The following BCL11A variants were observed in gnomAD, a reference collection of about 807,000 sequenced individuals.
The protein encoded by BCL11A is B cell CLL/lymphoma 11A.
BCL11A carries 2 observed loss-of-function variants against 55.9 expected under a neutral mutation model. The ratio of observed to expected loss-of-function variants is 0.04; its 90% CI spans 0.01 to 0.11. The LOEUF (loss-of-function observed/expected upper bound fraction) is 0.11, where lower values mean the gene tolerates loss of function less well. BCL11A is among the 10% of genes least tolerant of loss of function. The pLI is 1.00. For missense variants in BCL11A, 817 were observed against 1,137.1 expected, an observed-to-expected ratio of 0.72 and a Z score of 4.05; for synonymous variants, 465 against 473.4, an observed-to-expected ratio of 0.98 and a Z score of 0.23.
intron 2 of BCL11A, among the ~76,000 whole-genome samples, chr2:60,541,620 T>C (rs1669929480): frequency 6.6e-6 from 1 of 152,270 alleles, no homozygotes; most frequent in Non-Finnish European, 1.5e-5. Flanking sequence ...AGTCTTTGGA[T>C]AGTGGCCTCA....
chr2:60,471,307 G>T (rs1251540900), intron 2 of BCL11A, among the ~76,000 whole-genome samples: 2 of 152,210 alleles, frequency 1.3e-5, no homozygotes, highest in Non-Finnish European at 2.9e-5. Flanking sequence ...TAGAAAAAAA[G>T]CACACTGTCT....
chr2:60,541,646 T>G (rs1200551928), intron 2 of BCL11A: 2 of 353,340 alleles, frequency 5.7e-6, no homozygotes, highest in African/African-American at 4.2e-5. Flanking sequence ...ATAGGCTCCC[T>G]ATGAAAATCC....
intron 2 of BCL11A, among the ~76,000 whole-genome samples, chr2:60,478,764 G>C (rs900933618): frequency 2.0e-5 from 3 of 152,244 alleles, no homozygotes; most frequent in Non-Finnish European, 4.4e-5. Flanking sequence ...CTCTGGTGCT[G>C]CGAGGCCAGG....
intron 2 of BCL11A, among the ~76,000 whole-genome samples, chr2:60,521,067 GCACA>G (rs58564312): frequency 0.23 from 26,940 of 117,530 alleles, 2,582 homozygotes; most frequent in Non-Finnish European, 0.27. Flanking sequence ...CTAGTGGTCA[GCACA>G]CACACACACA....
intron 2 of BCL11A, chr2:60,542,392 C>T (rs1443945673): frequency 6.6e-6 from 1 of 152,212 alleles, no homozygotes; most frequent in Non-Finnish European, 1.5e-5. Flanking sequence ...ATGAATATTT[C>T]CCCCCATCAT....
chr2:60,539,090 C>A (rs528730883), intron 2 of BCL11A, among the ~76,000 whole-genome samples: 4 of 152,136 alleles, frequency 2.6e-5, no homozygotes, highest in Non-Finnish European at 5.9e-5. Context: ...TGTGGCATAT[C>A]GAGCATTTTT....
chr2:60,546,452 A>G lies in BCL11A; in HGVS notation c.56-152T>C. On this transcript the variant is annotated intron_variant, in intron 1 of 3. Coordinates refer to ENST00000642384, the MANE Select transcript of BCL11A (RefSeq NM_022893.4). The surrounding 1 kb of genome is among the most constrained non-coding windows in gnomAD (Gnocchi z 4.1). ...ACCCAGAAAATGTGAGCATACAAAA[A>G]GTACAAGGATGTGAAGGTTATCAAC... 1.5e-6 allele frequency: 1 copy of G among 688,392 alleles called. No homozygotes were observed. The highest frequency in any genetic ancestry group is 2.4e-6 in the Non-Finnish European group (1 of 414,638). 42.6% of individuals were successfully genotyped at this position (688,392 alleles called of 1,614,324 possible). A position where few individuals can be genotyped will look rare whatever the true frequency, so the allele number is the denominator to read the frequency against.
chr2:60,469,646 C>T (rs1343771911), intron 2 of BCL11A, among the ~76,000 whole-genome samples: 1 of 152,244 alleles, frequency 6.6e-6, no homozygotes, highest in East Asian at 1.9e-4. Context: ...AGACAAGTGA[C>T]TTCTCACACT....
intron 2 of BCL11A, among the ~76,000 whole-genome samples, chr2:60,479,015 C>T (rs1677796883): frequency 6.6e-6 from 1 of 151,538 alleles, no homozygotes; most frequent in Non-Finnish European, 1.5e-5. Context: ...ATTTCCTAAT[C>T]CTTCATTTAT....
At chr2:60,535,842 C>G (rs914390085) in intron 2 of BCL11A, 3 of 152,238 alleles carry the variant, frequency 2.0e-5, no homozygotes, top group African/African-American at 7.2e-5. Flanking sequence ...GGTGTCCACC[C>G]ACCACCACCA....
chr2:60,498,967 G>A (rs1679113359), intron 2 of BCL11A, among the ~76,000 whole-genome samples: 2 of 151,824 alleles, frequency 1.3e-5, no homozygotes, highest in African/African-American at 4.8e-5. Flanking sequence ...GTGGTGGGGG[G>A]GCATTGATGA....
At chr2:60,527,484 GC>G (rs1669255969) in intron 2 of BCL11A, 1 of 152,270 alleles carries the variant, frequency 6.6e-6, no homozygotes, top group Admixed American at 6.5e-5. Flanking sequence ...GGACGTCCAT[GC>G]CCCGGGACAG....
chr2:60,465,301 A>G (rs1482880449), intron 3 of BCL11A, among the ~76,000 whole-genome samples: 1 of 152,252 alleles, frequency 6.6e-6, no homozygotes, highest in Non-Finnish European at 1.5e-5. Flanking sequence ...TTAGGGCTAC[A>G]TTGATTTATT....
chr2:60,543,304 T>C (rs182150228), intron 2 of BCL11A: 1 of 152,374 alleles, frequency 6.6e-6, no homozygotes, highest in African/African-American at 2.4e-5. Context: ...CTACCTTTTA[T>C]GTGGTTGCCA....
At chr2:60,538,567 T>C (rs997259415) in intron 2 of BCL11A, 1 of 152,220 alleles carries the variant, frequency 6.6e-6, no homozygotes, top group African/African-American at 2.4e-5. Context: ...AGGAACACAT[T>C]ATAAAAATCT....
chr2:60,477,250 G>A (rs1262666647), intron 2 of BCL11A, among the ~76,000 whole-genome samples: 5 of 152,288 alleles, frequency 3.3e-5, no homozygotes, highest in East Asian at 1.9e-4. Flanking sequence ...ATTTGCAAAC[G>A]TTTGATTCTG....
intron 3 of BCL11A, among the ~76,000 whole-genome samples, chr2:60,468,137 ATGGTGGTGG>A (rs1177724594): frequency 5.1e-5 from 7 of 137,514 alleles, no homozygotes; most frequent in Non-Finnish European, 1.1e-4. Flanking sequence ...GGTGGTGGTG[ATGGTGGTGG>A]TGGTGGTGGT....
chr2:60,523,666 A>G (rs1414042146), intron 2 of BCL11A, among the ~76,000 whole-genome samples: 1 of 150,362 alleles, frequency 6.7e-6, no homozygotes, highest in Non-Finnish European at 1.5e-5. Context: ...TTTTTTTTTC[A>G]AAAAGAGTTA....
chr2:60,538,735 CTCTCTGTGTGTGTGTGTGTGTG>C (rs1669780160), intron 2 of BCL11A, among the ~76,000 whole-genome samples: 1 of 69,260 alleles, frequency 1.4e-5, no homozygotes, highest in African/African-American at 4.5e-5. Context: ...CTCTCTCTCT[CTCTCTGTGTGTGTGTGTGTGTG>C]TGTGTGTGTG....
Sources: allele counts gnomAD v4.1 joint callset (sites outside exome capture counted in the v4.1 genomes callset), GRCh38; gene constraint gnomAD v4.1.1; non-coding constraint Gnocchi (gnomAD v3.1); transcripts MANE v1.5; gene names NCBI Gene and HGNC (gene_info 2026-07-23, HGNC 2026-07-21).